Variants in GRID2 observed in about 807,000 individuals in gnomAD.
GRID2 encodes the protein glutamate receptor ionotropic, delta-2.
In GRID2, 33 loss-of-function variants were observed where a neutral mutation model predicts 114.8. The observed-to-expected ratio is 0.29, with a 90% confidence interval of 0.22 to 0.38. GRID2 has a LOEUF of 0.38. GRID2 is among the 10% of genes least tolerant of loss of function. The pLI, the probability that GRID2 is intolerant of heterozygous loss-of-function variation, is 1.00. For missense variants in GRID2, 1,184 were observed against 1,257.7 expected, an observed-to-expected ratio of 0.94 and a Z score of 0.89; for synonymous variants, 505 against 449.9, an observed-to-expected ratio of 1.12 and a Z score of -1.55.
chr4:92,753,062 T>A (rs1176759377), intron 2 of GRID2, among the ~76,000 whole-genome samples: 1 of 152,162 alleles, frequency 6.6e-6, no homozygotes, highest in East Asian at 1.9e-4. Flanking sequence ...TTTCTATATT[T>A]TACTGTTTCT....
intron 2 of GRID2, among the ~76,000 whole-genome samples, chr4:92,997,407 G>C (rs1755267058): frequency 6.6e-6 from 1 of 152,156 alleles, no homozygotes; most frequent in Non-Finnish European, 1.5e-5. Flanking sequence ...GAGTGGGAGA[G>C]GGTTCCTCAT....
intron 13 of GRID2, among the ~76,000 whole-genome samples, chr4:93,563,588 A>G (rs931731944): frequency 2.0e-5 from 3 of 152,014 alleles, no homozygotes; most frequent in African/African-American, 7.2e-5. Context: ...TTAGAGTTCC[A>G]AGAAAAAGCC....
chr4:93,373,311 T>A (rs1175918005), intron 8 of GRID2, among the ~76,000 whole-genome samples: 1 of 151,694 alleles, frequency 6.6e-6, no homozygotes, highest in South Asian at 2.1e-4. Flanking sequence ...TTCTCTAAGT[T>A]TTTTTTTTCC....
intron 2 of GRID2, among the ~76,000 whole-genome samples, chr4:92,765,903 C>G (rs927467462): frequency 6.6e-6 from 1 of 152,104 alleles, no homozygotes; most frequent in Non-Finnish European, 1.5e-5. Flanking sequence ...ACCTTTGCCT[C>G]TCTGCTGAGA....
intron 1 of GRID2, among the ~76,000 whole-genome samples, chr4:92,471,780 T>A (rs991209162): frequency 2.6e-5 from 4 of 152,108 alleles, no homozygotes; most frequent in Non-Finnish European, 4.4e-5. Flanking sequence ...TGCAATTCCA[T>A]ACCCAGGAAA....
chr4:93,622,006 G>T (rs1420904047), intron 13 of GRID2, among the ~76,000 whole-genome samples: 1 of 152,130 alleles, frequency 6.6e-6, no homozygotes, highest in Non-Finnish European at 1.5e-5. Context: ...CTACTGGGGA[G>T]GTCCCTTGAG....
At chr4:93,205,233 T>TA (rs1292009999) in intron 4 of GRID2, among the ~76,000 whole-genome samples, 2 of 152,124 alleles carry the variant, frequency 1.3e-5, no homozygotes, top group Non-Finnish European at 2.9e-5. Flanking sequence ...TATTTTTTTT[T>TA]AGCTAAAACT....
chr4:92,870,295 T>TTCTC (rs978868748), intron 2 of GRID2, among the ~76,000 whole-genome samples: 8 of 149,322 alleles, frequency 5.4e-5, no homozygotes, highest in Admixed American at 4.0e-4. Context: ...CACACACACT[T>TTCTC]TCTCTCTCTC....
chr4:93,680,342 C>G (rs1725389295), intron 14 of GRID2, among the ~76,000 whole-genome samples: 1 of 151,866 alleles, frequency 6.6e-6, no homozygotes, highest in African/African-American at 2.4e-5. Context: ...CGAATTCTAC[C>G]AGAGGTACAA....
chr4:92,645,506 T>C lies in GRID2; in HGVS notation c.244+55220T>C, dbSNP rs147570887. 4.7e-3 allele frequency among the ~76,000 whole-genome samples: 708 copies of C among 151,944 alleles called. 1 individual carries two copies. Among genetic ancestry groups the C allele is most frequent in the Non-Finnish European group, 8.1e-3 (547 of 67,870 alleles). On this transcript the variant is annotated intron_variant, in intron 2 of 15. Coordinates refer to ENST00000282020, the MANE Select transcript of GRID2 (RefSeq NM_001510.4). ...TTCTTAACAGTACTTTATTCATATG[T>C]ACTTTACATATTGAGCATAAACATT...
chr4:92,467,331 T>C (rs1721806992), intron 1 of GRID2, among the ~76,000 whole-genome samples: 1 of 151,948 alleles, frequency 6.6e-6, no homozygotes, highest in African/African-American at 2.4e-5. Flanking sequence ...TTACAAAATG[T>C]TTATAAACAC....
At chr4:93,786,340 C>G (rs111352365) in intron 1 of GRID2, among the ~76,000 whole-genome samples, 37 of 152,264 alleles carry the variant, frequency 2.4e-4, no homozygotes, top group African/African-American at 8.9e-4. Flanking sequence ...GGAGCTCAAC[C>G]TAGAAGAAAT....
intron 12 of GRID2, among the ~76,000 whole-genome samples, chr4:93,493,230 G>A (rs561192312): frequency 2.4e-4 from 37 of 151,724 alleles, no homozygotes; most frequent in South Asian, 8.3e-4. Flanking sequence ...TAAATAAATC[G>A]TAAAAAGTTT....
chr4:92,932,273 G>A (rs1378156887), intron 2 of GRID2, among the ~76,000 whole-genome samples: 1 of 151,262 alleles, frequency 6.6e-6, no homozygotes, highest in African/African-American at 2.4e-5. Flanking sequence ...ACCTTAATGT[G>A]AGTATGAAAA....
chr4:92,330,818 G>A (rs1398863122), intron 1 of GRID2, among the ~76,000 whole-genome samples: 1 of 151,994 alleles, frequency 6.6e-6, no homozygotes, highest in Non-Finnish European at 1.5e-5. Context: ...AGTAACTAAA[G>A]AGAAATTAGA....
At chr4:93,333,250 A>G (rs904659207) in intron 8 of GRID2, among the ~76,000 whole-genome samples, 1 of 152,112 alleles carries the variant, frequency 6.6e-6, no homozygotes, top group Non-Finnish European at 1.5e-5. Context: ...ATCTTGTAAA[A>G]TGCACATCTG....
chr4:93,796,977 G>A (rs772333572), intron 1 of GRID2, among the ~76,000 whole-genome samples: 1 of 152,156 alleles, frequency 6.6e-6, no homozygotes. Context: ...ACATCATAGG[G>A]TGTACTTACC....
At chr4:93,525,226 A>C (rs1730766593) in intron 13 of GRID2, among the ~76,000 whole-genome samples, 2 of 152,088 alleles carry the variant, frequency 1.3e-5, no homozygotes, top group Non-Finnish European at 2.9e-5. Context: ...AGACTTCCTA[A>C]AGGAAGTGAT....
chr4:92,567,592 C>T (rs1727398587), intron 1 of GRID2, among the ~76,000 whole-genome samples: 1 of 151,994 alleles, frequency 6.6e-6, no homozygotes, highest in Non-Finnish European at 1.5e-5. Context: ...GAGCTTGCAG[C>T]TTTTCAGGAC....
Sources: allele counts gnomAD v4.1 joint callset (sites outside exome capture counted in the v4.1 genomes callset), GRCh38; gene constraint gnomAD v4.1.1; transcripts MANE v1.5; gene names NCBI Gene and HGNC (gene_info 2026-07-23, HGNC 2026-07-21).